The following RRM2 variants were observed in gnomAD, a reference collection of about 807,000 sequenced individuals.
RRM2 encodes the protein ribonucleoside-diphosphate reductase subunit M2.
A neutral mutation model predicts 45.9 loss-of-function variants in RRM2; 6 were observed. That is an observed-to-expected ratio of 0.13 (90% CI 0.07 to 0.26). The LOEUF (loss-of-function observed/expected upper bound fraction) is 0.26, where lower values mean the gene tolerates loss of function less well. Among genes scored for constraint, RRM2 ranks in the 10% least tolerant of loss-of-function variants. RRM2 has a pLI of 1.00. For synonymous variants in RRM2, 177 were observed against 173.0 expected (o/e 1.02, Z -0.18); for missense variants, 343 against 489.5 (o/e 0.70, Z 2.82).
In RRM2 at chr2:10,123,051, G is replaced by A. The variant is rs916563795; in HGVS notation, c.168G>A (p.Thr56=). 5 of 1,561,724 alleles carry A rather than the reference G, an allele frequency of 3.2e-6. No homozygotes were observed. Among genetic ancestry groups the A allele is most frequent in the Non-Finnish European group, 4.3e-6 (5 of 1,161,204 alleles). Residue 56 remains threonine, a synonymous_variant, in exon 2 of 10, where the codon ACG becomes ACA. Transcript: ENST00000304567. ...KTARRIFQEP[T]EPKTKAAAPG... is the part of the protein sequence containing the mutation. The stretch of plus-strand genomic sequence containing the variant: ...CGAGGAGGATCTTCCAGGAGCCCAC[G>A]GAGCCGGTGAGTGGCGGGCGTGGGG...
In RRM2 at chr2:10,189,444, C is replaced by T. The variant is rs868234167; in HGVS notation, n.483-20867C>T. Among the ~76,000 whole-genome samples the T allele has an allele frequency of 4.8e-4, 73 of 152,356 alleles. 1 individual carries two copies. Among genetic ancestry groups the T allele is most frequent in the African/African-American group, 1.6e-3 (66 of 41,586 alleles). On this transcript the variant is annotated intron_variant and non_coding_transcript_variant, in intron 3 of 3. Coordinates refer to the RRM2 transcript ENST00000381786. ...ACAGGGCAGGAGGAGCAAGAGCACA[C>T]GCTTGGAGGTGATGGTATTCCAGCA...
chr2:10,188,894 C>G (rs1664224750), intron 3 of RRM2, among the ~76,000 whole-genome samples: 1 of 152,124 alleles, frequency 6.6e-6, no homozygotes, highest in Non-Finnish European at 1.5e-5. Flanking sequence ...CATGAGTTCC[C>G]AGTCCTGGCC....
At chr2:10,158,385 C>A (rs915171958) in intron 3 of RRM2, among the ~76,000 whole-genome samples, 8 of 152,144 alleles carry the variant, frequency 5.3e-5, no homozygotes, top group African/African-American at 1.9e-4. Flanking sequence ...GAACCTACAG[C>A]CTTCCATCAT....
At chr2:10,136,236 G>A (rs757533504), downstream of RRM2, among the ~76,000 whole-genome samples, 3 of 152,238 alleles carry the variant, frequency 2.0e-5, no homozygotes, top group Non-Finnish European at 4.4e-5. Flanking sequence ...TCAATAAAGG[G>A]CAGAGGGGTT....
chr2:10,160,565 C>T (rs79972207), intron 3 of RRM2, among the ~76,000 whole-genome samples: 5,603 of 152,242 alleles, frequency 0.037, 127 homozygotes, highest in East Asian at 0.12. Flanking sequence ...GGATTTAAGG[C>T]GGTTCCCTCA....
intron 3 of RRM2, among the ~76,000 whole-genome samples, chr2:10,188,123 G>A (rs970902443): frequency 1.3e-5 from 2 of 152,210 alleles, no homozygotes; most frequent in Non-Finnish European, 2.9e-5. Flanking sequence ...AGGACCCCGA[G>A]CTGCAGCCCC....
At chr2:10,208,354 T>C (rs2125336059) in intron 3 of RRM2, among the ~76,000 whole-genome samples, 1 of 152,230 alleles carries the variant, frequency 6.6e-6, no homozygotes, top group Non-Finnish European at 1.5e-5. Context: ...ATTTTGAAAA[T>C]GTACATTGCT....
chr2:10,200,674 GGA>G (rs1664546140), intron 3 of RRM2, among the ~76,000 whole-genome samples: 2 of 131,420 alleles, frequency 1.5e-5, no homozygotes, highest in African/African-American at 5.7e-5. Flanking sequence ...AGGCCCACAG[GGA>G]CTGCGCGCAC....
At chr2:10,126,119 G>A (rs1052553823) in intron 5 of RRM2, among the ~76,000 whole-genome samples, 2 of 139,824 alleles carry the variant, frequency 1.4e-5, no homozygotes, top group East Asian at 2.1e-4. Flanking sequence ...TGATCATCTC[G>A]CTGCACTCTA....
rs189353558 is a variant in RRM2 at position 10,169,210 on chromosome 2, G to A, written n.482+26835G>A. Among the ~76,000 whole-genome samples, 46 of 148,132 alleles carry A rather than the reference G, an allele frequency of 3.1e-4. No individual in the cohort carries two copies. In the East Asian group the frequency reaches 7.5e-3, roughly 24 times the overall value. Reference sequence around the variant, plus strand: ...TTGCCCAGGCTAGTTTTGAACTCCCGGGCTCAATCCTCCTGCCTCAGCCTC... The same window carrying A: ...TTGCCCAGGCTAGTTTTGAACTCCCAGGCTCAATCCTCCTGCCTCAGCCTC... On this transcript the variant is annotated intron_variant and non_coding_transcript_variant, in intron 3 of 3. Transcript: ENST00000381786. This position sits in a 1 kb window ranked among gnomAD's most constrained non-coding sequence, Gnocchi z 5.1.
At chr2:10,161,501 G>A (rs1046729542) in intron 3 of RRM2, among the ~76,000 whole-genome samples, 2 of 152,180 alleles carry the variant, frequency 1.3e-5, no homozygotes, top group African/African-American at 2.4e-5. Flanking sequence ...ACCTGGACCA[G>A]GGATCTCCCC....
chr2:10,173,503 C>G (rs1444863896), intron 3 of RRM2, among the ~76,000 whole-genome samples: 1 of 152,226 alleles, frequency 6.6e-6, no homozygotes, highest in African/African-American at 2.4e-5. Context: ...TGTCCCCCTA[C>G]CTCCCTCAGC....
At chr2:10,149,420 C>T (rs894702087) in intron 3 of RRM2, among the ~76,000 whole-genome samples, 14 of 152,196 alleles carry the variant, frequency 9.2e-5, no homozygotes, top group African/African-American at 2.9e-4. Flanking sequence ...TGAGTCACTG[C>T]GCCCAGCCCT....
At chr2:10,131,606 G>A (rs1311694081), downstream of RRM2, among the ~76,000 whole-genome samples, 1 of 152,166 alleles carries the variant, frequency 6.6e-6, no homozygotes, top group Non-Finnish European at 1.5e-5. Flanking sequence ...TGGCATGGTG[G>A]CACACGCCTG....
At chr2:10,143,972 C>T (rs1045859191) in intron 3 of RRM2, among the ~76,000 whole-genome samples, 2 of 152,178 alleles carry the variant, frequency 1.3e-5, no homozygotes, top group Non-Finnish European at 2.9e-5. Flanking sequence ...GGCCCCTCTG[C>T]CCACTTTCTT....
chr2:10,134,310 G>A (rs936156627), downstream of RRM2, among the ~76,000 whole-genome samples: 1 of 152,136 alleles, frequency 6.6e-6, no homozygotes, highest in African/African-American at 2.4e-5. Context: ...GTCCCTTAGA[G>A]AAATTAAATG....
At chr2:10,163,403 C>T (rs1663610300) in intron 3 of RRM2, among the ~76,000 whole-genome samples, 1 of 152,140 alleles carries the variant, frequency 6.6e-6, no homozygotes, top group Non-Finnish European at 1.5e-5. Flanking sequence ...GGGCACCAAG[C>T]TCCACATGTG....
At chr2:10,126,204 T>C (rs1169725419) in intron 5 of RRM2, among the ~76,000 whole-genome samples, 3 of 103,440 alleles carry the variant, frequency 2.9e-5, no homozygotes, top group Non-Finnish European at 4.0e-5. Flanking sequence ...CTGCCCAATG[T>C]CTGGTGCCCT....
intron 3 of RRM2, among the ~76,000 whole-genome samples, chr2:10,142,552 G>GC (rs59000721): frequency 1 from 151,912 of 151,936 alleles, 75,944 homozygotes; most frequent in Middle Eastern, 1. Context: ...AGGCGGGGGA[G>GC]CTTCGCCCTC....
Sources: gnomAD v4.1 joint callset for allele counts (sites outside exome capture counted in the v4.1 genomes callset) on GRCh38, gnomAD v4.1.1 for gene constraint, Gnocchi (gnomAD v3.1) non-coding constraint, MANE v1.5 for transcripts, NCBI Gene and HGNC (gene_info 2026-07-23, HGNC 2026-07-21) for gene names.